The following RBL1 variants were observed in gnomAD, a reference collection of about 807,000 sequenced individuals.
RBL1 encodes the protein RB transcriptional corepressor like 1, also known as retinoblastoma-like protein 1.
RBL1 carries 82 observed loss-of-function variants against 123.0 expected under a neutral mutation model. That is an observed-to-expected ratio of 0.67 (90% CI 0.56 to 0.80). RBL1 has a LOEUF of 0.80. RBL1 is among the 30% of genes least tolerant of loss of function. The pLI is 0.00. For missense variants in RBL1, 1,171 were observed against 1,299.6 expected, an observed-to-expected ratio of 0.90 and a Z score of 1.52; for synonymous variants, 405 against 441.3, an observed-to-expected ratio of 0.92 and a Z score of 1.03.
intron 11 of RBL1, 139 bp from the exon 12 acceptor site, chr20:37,047,329 T>A: frequency 4.0e-6 from 4 of 993,950 alleles, no homozygotes; most frequent in South Asian, 2.0e-5. Flanking sequence ...AAATTTGAGT[T>A]CTCAAATTGG....
At chr20:37,093,155 A>G (rs2065673996) in intron 1 of RBL1, among the ~76,000 whole-genome samples, 1 of 152,038 alleles carries the variant, frequency 6.6e-6, no homozygotes, top group African/African-American at 2.4e-5. Context: ...TTTGTAAATC[A>G]ATAAAAATGT....
Position 37,077,753 on chromosome 20 carries a change from C to G in RBL1, c.291-9567G>C, listed in dbSNP as rs1436417176. Among the ~76,000 whole-genome samples the G allele has an allele frequency of 4.4e-4, 66 of 149,422 alleles. 1 individual carries two copies. The highest frequency in any genetic ancestry group is 7.4e-5 in the Non-Finnish European group (5 of 67,712). ...TGAGAGTCACGTTTAGCTTTCATGC[C>G]CTTTACCCAAAAATACTTCAGTTTC... On this transcript the variant is annotated intron_variant, in intron 2 of 21. Coordinates refer to ENST00000373664, the MANE Select transcript of RBL1 (RefSeq NM_002895.5).
At position 37,018,270 on chromosome 20, in the gene RBL1, A is replaced by G. The variant is rs754574773; in HGVS notation, c.2722+9T>C. The G allele has an allele frequency of 1.9e-6, 3 of 1,603,234 alleles. No homozygotes were observed. Among genetic ancestry groups the G allele is most frequent in the East Asian group, 4.5e-5 (2 of 44,648 alleles). ...TTTTACATATAATATGTTAAATTGG[A>G]TAACTTACCACAATCTATCATTTCA... is the stretch of plus-strand genomic sequence containing the variant. On this transcript the variant is annotated intron_variant, in intron 19 of 21. Coordinates refer to ENST00000373664, the MANE Select transcript of RBL1 (RefSeq NM_002895.5).
At chr20:37,039,556 T>C (rs950928718) in intron 14 of RBL1, among the ~76,000 whole-genome samples, 3 of 152,196 alleles carry the variant, frequency 2.0e-5, no homozygotes, top group East Asian at 1.9e-4. Flanking sequence ...TCTTGCCTGC[T>C]GCCATGTAAG....
chr20:37,094,217 T>C (rs2065692660), intron 1 of RBL1, among the ~76,000 whole-genome samples: 1 of 152,202 alleles, frequency 6.6e-6, no homozygotes, highest in South Asian at 2.1e-4. Flanking sequence ...GGTGTGACCT[T>C]GGGCAAGAGA....
intron 2 of RBL1, among the ~76,000 whole-genome samples, chr20:37,077,229 GC>G (rs1258692237): frequency 1.6e-4 from 25 of 152,058 alleles, no homozygotes; most frequent in Admixed American, 1.4e-3. Flanking sequence ...GGGCCACCTT[GC>G]CCAGCCATCT....
intron 20 of RBL1, 36 bp from the exon 21 acceptor site, chr20:37,003,902 A>G (rs755443422): frequency 6.5e-7 from 1 of 1,545,230 alleles, no homozygotes; most frequent in Admixed American, 2.0e-5. Flanking sequence ...TTTAGATAAA[A>G]GTTTTTCTTT....
chr20:37,015,808 C>T (rs1011610902), intron 19 of RBL1, among the ~76,000 whole-genome samples: 1 of 152,018 alleles, frequency 6.6e-6, no homozygotes, highest in Non-Finnish European at 1.5e-5. Context: ...TCACTGCAAC[C>T]TCTGCCGCCC....
Position 37,044,159 on chromosome 20 carries a change from A to G in RBL1, c.1697T>C (p.Leu566Ser). The G allele has an allele frequency of 6.2e-7, 1 of 1,613,790 alleles. No homozygotes were observed. The highest frequency in any genetic ancestry group is 8.5e-7 in the Non-Finnish European group (1 of 1,179,952). Reference protein sequence around the residue: ...NSIEEQILESLAWSHDSALWE... With the variant: ...NSIEEQILESSAWSHDSALWE... ...CAGTGCAGAATCGTGACTCCATGCT[A>G]AACTCTCCAAAATCTGTTCTTCAAT... Residue 566 changes from leucine (L) to serine (S), a missense_variant, in exon 13 of 22, where the codon TTA becomes TCA. Transcript: ENST00000373664.
chr20:37,060,094 C>T (rs2065069231), intron 9 of RBL1, among the ~76,000 whole-genome samples: 1 of 151,862 alleles, frequency 6.6e-6, no homozygotes, highest in Non-Finnish European at 1.5e-5. Flanking sequence ...ATCACTTGGA[C>T]CTGGGAGGTG....
chr20:36,998,686 G>T lies in RBL1; in HGVS notation c.*73C>A. On this transcript the variant is annotated 3_prime_UTR_variant, in exon 22 of 22. Coordinates refer to ENST00000373664, the MANE Select transcript of RBL1 (RefSeq NM_002895.5). Reference sequence around the variant, plus strand: ...ATATTTATCATCTATAGGGCTAAAAGGTTTGAAGGACAGAGCTCCAACTTT... The same window carrying T: ...ATATTTATCATCTATAGGGCTAAAATGTTTGAAGGACAGAGCTCCAACTTT... 2 of 1,384,048 alleles carry T rather than the reference G, an allele frequency of 1.4e-6. No homozygotes were observed. The highest frequency in any genetic ancestry group is 2.8e-5 in the South Asian group (2 of 71,292). The allele number at this position is 1,384,048 out of a possible 1,614,324, so 85.7% of individuals were successfully genotyped here.
chr20:37,095,374 G>A (rs1028602540), intron 1 of RBL1, among the ~76,000 whole-genome samples: 66 of 152,306 alleles, frequency 4.3e-4, no homozygotes, highest in African/African-American at 1.5e-3. Flanking sequence ...GATCACAGAA[G>A]GGGTTCAGAC....
intron 19 of RBL1, among the ~76,000 whole-genome samples, chr20:37,011,433 A>ATTTT (rs5841248): frequency 3.7e-5 from 5 of 135,750 alleles, no homozygotes; most frequent in South Asian, 2.3e-4. Flanking sequence ...CAAGGTCAGA[A>ATTTT]TTTTTTTTTT....
chr20:37,040,343 A>C, intron 13 of RBL1, 58 bp from the exon 14 acceptor site: 2 of 1,572,670 alleles, frequency 1.3e-6, no homozygotes, highest in Non-Finnish European at 1.7e-6. Flanking sequence ...ATTAAAACTT[A>C]TTAAAAATGT....
chr20:37,004,770 A>G (rs1338618382), intron 20 of RBL1, among the ~76,000 whole-genome samples: 3 of 144,400 alleles, frequency 2.1e-5, no homozygotes, highest in South Asian at 2.2e-4. Flanking sequence ...GCTCACTCCT[A>G]TAATCCCAGC....
chr20:37,095,945 G>T lies in RBL1; in HGVS notation c.-17C>A. 2 of 1,515,722 alleles carry T rather than the reference G, an allele frequency of 1.3e-6. No individual in the cohort carries two copies. Among genetic ancestry groups the T allele is most frequent in the Non-Finnish European group, 8.9e-7 (1 of 1,126,078 alleles). 93.9% of individuals were successfully genotyped at this position (1,515,722 alleles called of 1,614,324 possible). A position where few individuals can be genotyped will look rare whatever the true frequency, so the allele number is the denominator to read the frequency against. ...CTCGAACATCCCTTCAGGCCCCGCGGGCTGCGCGCCACGGCCCCCGACTTC... is the reference window on the plus strand; with the variant it reads ...CTCGAACATCCCTTCAGGCCCCGCGTGCTGCGCGCCACGGCCCCCGACTTC... On this transcript the variant is annotated 5_prime_UTR_variant, in exon 1 of 22. Transcript: ENST00000373664.
At chr20:37,019,853 T>C (rs1600475225) in intron 18 of RBL1, among the ~76,000 whole-genome samples, 1 of 152,278 alleles carries the variant, frequency 6.6e-6, no homozygotes, top group East Asian at 1.9e-4. Flanking sequence ...AAATGCTTAT[T>C]GTGTGCCAGT....
chr20:37,026,169 A>G (rs1326730451), intron 16 of RBL1, among the ~76,000 whole-genome samples: 1 of 152,208 alleles, frequency 6.6e-6, no homozygotes, highest in Non-Finnish European at 1.5e-5. Flanking sequence ...GAAATCTAAG[A>G]AATAAATAGA....
intron 19 of RBL1, among the ~76,000 whole-genome samples, chr20:37,014,450 C>T (rs1446569664): frequency 6.6e-6 from 1 of 152,110 alleles, no homozygotes; most frequent in Non-Finnish European, 1.5e-5. Flanking sequence ...CACCACTGTA[C>T]AGGATCTGTA....
Sources: allele counts gnomAD v4.1 joint callset (sites outside exome capture counted in the v4.1 genomes callset), GRCh38; gene constraint gnomAD v4.1.1; transcripts MANE v1.5; gene names NCBI Gene and HGNC (gene_info 2026-07-23, HGNC 2026-07-21).